CELSR1: variants seen among roughly 807,000 people sequenced by gnomAD.
CELSR1 encodes cadherin EGF LAG seven-pass G-type receptor 1, also known as adhesion G protein-coupled receptor C1.
A neutral mutation model predicts 249.1 loss-of-function variants in CELSR1; 110 were observed. The observed-to-expected ratio is 0.44, with a 90% CI of 0.38 to 0.52. The LOEUF is 0.52. Among genes scored for constraint, CELSR1 ranks in the 20% least tolerant of loss-of-function variants. The pLI is 0.00. For synonymous variants in CELSR1, 2,113 were observed against 1,900.0 expected (o/e 1.11, Z -2.92); for missense variants, 4,109 against 4,296.4 (o/e 0.96, Z 1.22).
rs946781208 is a variant in CELSR1, at chr22:46,441,842, A to T, written c.4184-2431T>A. ...ATTTTAAAAGACTAGTGAACATTAA[A>T]CTTTATTATCCATTTTTAAAAATAA... On this transcript the variant is annotated intron_variant, in intron 2 of 34. Transcript: ENST00000674500. This position sits in a 1 kb window ranked among gnomAD's most constrained non-coding sequence, Gnocchi z 6.1. 2.6e-5 allele frequency among the ~76,000 whole-genome samples: 4 copies of T among 152,164 alleles called. No individual in the cohort carries two copies. The highest frequency in any genetic ancestry group is 1.3e-4 in the Admixed American group (2 of 15,272).
intron 1 of CELSR1, among the ~76,000 whole-genome samples, chr22:46,466,021 T>C (rs1354518147): frequency 1.3e-5 from 2 of 152,166 alleles, no homozygotes; most frequent in African/African-American, 2.4e-5. Flanking sequence ...AGGGCGCCTC[T>C]GGCTCTGGCA....
chr22:46,510,306 C>CCCCCTTCCTGAGCCACAG (rs1602226805), intron 1 of CELSR1, among the ~76,000 whole-genome samples: 2 of 152,184 alleles, frequency 1.3e-5, no homozygotes, highest in African/African-American at 4.8e-5. Context: ...CCAGAACACA[C>CCCCCTTCCTGAGCCACAG]CCCCTTCCTG....
chr22:46,533,982 G>A lies in CELSR1; in HGVS notation c.3189C>T (p.Asp1063=), dbSNP rs754056490. Residue 1063 remains aspartate (D), a synonymous_variant, in exon 1 of 35, where the codon GAC becomes GAT. Coordinates refer to ENST00000674500, the MANE Select transcript of CELSR1 (RefSeq NM_001378328.1). The stretch of plus-strand genomic sequence containing the variant: ...GCACATACTCCCGCCGGACCTCAAA[G>A]TCCAGCTCCACCATGGCACGCAGGT... ...NGDLRAMVEL[D]FEVRREYVLV... is the part of the protein sequence containing the mutation. 1.9e-6 allele frequency: 3 copies of A among 1,613,636 alleles called. No individual in the cohort carries two copies. The highest frequency in any genetic ancestry group is 2.5e-6 in the Non-Finnish European group (3 of 1,180,036).
chr22:46,514,444 T>C (rs2080605765), intron 1 of CELSR1, among the ~76,000 whole-genome samples: 1 of 152,198 alleles, frequency 6.6e-6, no homozygotes, highest in South Asian at 2.1e-4. Flanking sequence ...ACCTGCACTC[T>C]GATCCCCGGG....
chr22:46,511,169 T>C (rs1302098968), intron 1 of CELSR1, among the ~76,000 whole-genome samples: 1 of 151,994 alleles, frequency 6.6e-6, no homozygotes, highest in African/African-American at 2.4e-5. Flanking sequence ...TTTCTTCACA[T>C]TATAGACCCT....
At chr22:46,375,070 C>T (rs1031214075) in intron 24 of CELSR1, among the ~76,000 whole-genome samples, 3 of 152,146 alleles carry the variant, frequency 2.0e-5, no homozygotes, top group African/African-American at 7.2e-5. Context: ...GCCTGCCTTC[C>T]CTCTTGAGGT....
intron 2 of CELSR1, among the ~76,000 whole-genome samples, chr22:46,444,280 G>A (rs1052951534): frequency 2.6e-5 from 4 of 152,268 alleles, no homozygotes; most frequent in African/African-American, 7.2e-5. Context: ...TGAAGACAGC[G>A]CTTTGTATCT....
Position 46,410,506 on chromosome 22 carries a change from C to T in CELSR1, c.4825G>A (p.Asp1609Asn), listed in dbSNP as rs761697496. 2.5e-6 allele frequency: 4 copies of T among 1,614,136 alleles called. No individual in the cohort carries two copies. The highest frequency in any genetic ancestry group is 3.4e-6 in the Non-Finnish European group (4 of 1,180,044). The part of the protein sequence containing the change: ...LLGGVPNLPE[D>N]FPVHNRQFVG... ...AACTGCCGGTTGTGCACTGGGAAGT[C>T]TTCTGGCAGGTTGGGGACACCCCCC... is the stretch of plus-strand genomic sequence containing the variant. Residue 1609 changes from aspartate to asparagine, a missense_variant, in exon 7 of 35, where the codon GAC (aspartate) becomes AAC (asparagine). Asp to Asn is a conservative substitution (Grantham distance 23). Coordinates refer to ENST00000674500, the MANE Select transcript of CELSR1 (RefSeq NM_001378328.1). The surrounding 1 kb of genome is among the most constrained non-coding windows in gnomAD (Gnocchi z 6.8).
Position 46,407,985 on chromosome 22 carries a change from C to T in CELSR1, c.5226+1011G>A, listed in dbSNP as rs1035582245. On this transcript the variant is annotated intron_variant, in intron 9 of 34. Coordinates refer to ENST00000674500, the MANE Select transcript of CELSR1 (RefSeq NM_001378328.1). This position sits in a 1 kb window ranked among gnomAD's most constrained non-coding sequence, Gnocchi z 4.8. Reference sequence around the variant, plus strand: ...GGCCGGGCACCCTCCTGGGGAGGGTCCCCATGGCTGCCTCATGCGGCGGAG... The same window carrying T: ...GGCCGGGCACCCTCCTGGGGAGGGTTCCCATGGCTGCCTCATGCGGCGGAG... 6.6e-6 allele frequency among the ~76,000 whole-genome samples: 1 copy of T among 152,186 alleles called. No individual in the cohort carries two copies. Among genetic ancestry groups the T allele is most frequent in the Non-Finnish European group, 1.5e-5 (1 of 68,038 alleles).
rs1415536028 is a variant in CELSR1 at position 46,366,371 on chromosome 22, G to C, written c.8300+15C>G. 3 of 1,542,174 alleles carry C rather than the reference G, an allele frequency of 1.9e-6. No homozygotes were observed. Among genetic ancestry groups the C allele is most frequent in the African/African-American group, 1.4e-5 (1 of 72,618 alleles). On this transcript the variant is annotated intron_variant, in intron 30 of 34. Transcript: ENST00000674500. The stretch of plus-strand genomic sequence containing the variant: ...TTCGAGAGCCACCTCCCCGAACCCG[G>C]AGCTGCGGCCTGACCTGACGATGCT...
At chr22:46,366,934 C>CCCCG in intron 29 of CELSR1, 59 bp downstream of exon 29, 1 of 1,556,616 alleles carries the variant, frequency 6.4e-7, no homozygotes, top group Non-Finnish European at 8.7e-7. Context: ...GATCACCCTC[C>CCCCG]CCCGCCCCTC....
intron 1 of CELSR1, among the ~76,000 whole-genome samples, chr22:46,498,621 AAAAAG>A (rs1289050458): frequency 1.3e-5 from 2 of 151,786 alleles, no homozygotes; most frequent in Admixed American, 1.3e-4. Context: ...CAAAAAAAAA[AAAAAG>A]AAAAAGAAAA....
intron 2 of CELSR1, among the ~76,000 whole-genome samples, chr22:46,459,038 G>T (rs5768779): frequency 0.39 from 58,639 of 150,886 alleles, 12,362 homozygotes; most frequent in South Asian, 0.55. Context: ...GACTACAGGC[G>T]TGTGCCACCA....
rs939398895 is a variant in CELSR1, at chr22:46,398,958, T to A, written c.5413-321A>T. Among the ~76,000 whole-genome samples, 1 of 152,188 alleles carries A rather than the reference T, an allele frequency of 6.6e-6. No homozygotes were observed. Among genetic ancestry groups the A allele is most frequent in the Non-Finnish European group, 1.5e-5 (1 of 68,030 alleles). ...AACCAGCCACGCTGTGACAGAGAGC[T>A]TGGCGAGTCAGGAAGACTGCAGTGA... On this transcript the variant is annotated intron_variant, in intron 10 of 34. Coordinates refer to ENST00000674500, the MANE Select transcript of CELSR1 (RefSeq NM_001378328.1). The surrounding 1 kb of genome is among the most constrained non-coding windows in gnomAD (Gnocchi z 7.2).
At chr22:46,516,765 C>T (rs2147781609) in intron 1 of CELSR1, among the ~76,000 whole-genome samples, 1 of 152,300 alleles carries the variant, frequency 6.6e-6, no homozygotes, top group South Asian at 2.1e-4. Flanking sequence ...CCACTTCTCA[C>T]CCAGGCACAC....
chr22:46,520,839 C>T (rs920738292), intron 1 of CELSR1, among the ~76,000 whole-genome samples: 1 of 152,164 alleles, frequency 6.6e-6, no homozygotes, highest in Non-Finnish European at 1.5e-5. Context: ...ATCTCCAGAG[C>T]CTTTCATCTT....
chr22:46,515,949 A>C (rs1222324147), intron 1 of CELSR1, among the ~76,000 whole-genome samples: 4 of 152,256 alleles, frequency 2.6e-5, no homozygotes, highest in Non-Finnish European at 5.9e-5. Flanking sequence ...TTAAAAAGTC[A>C]GGAAACAACA....
rs1279426582 is a variant in CELSR1, at chr22:46,464,529, G to GC, written c.3545-185dup. On this transcript the variant is annotated intron_variant, in intron 1 of 34. Transcript: ENST00000674500. The surrounding 1 kb of genome is among the most constrained non-coding windows in gnomAD (Gnocchi z 8.5). ...TTCCTCCTTCAGCACCCTGGCCCCTGCCCCCCATGACCACCACCTTGACCC... is the reference window on the plus strand; with the variant it reads ...TTCCTCCTTCAGCACCCTGGCCCCTGCCCCCCCATGACCACCACCTTGACCC... Among the ~76,000 whole-genome samples, 1 of 150,056 alleles carries GC rather than the reference G, an allele frequency of 6.7e-6. No homozygotes were observed. Among genetic ancestry groups the GC allele is most frequent in the Admixed American group, 6.6e-5 (1 of 15,092 alleles).
Position 46,490,981 on chromosome 22 carries a change from C to T in CELSR1, c.3545-26636G>A, listed in dbSNP as rs1053233911. The stretch of plus-strand genomic sequence containing the variant: ...GCACCCACAGGCGGGGGATTTTGTT[C>T]CCCTACAAGTTCAGGACCTCGGAAG... On this transcript the variant is annotated intron_variant, in intron 1 of 34. Coordinates refer to ENST00000674500, the MANE Select transcript of CELSR1 (RefSeq NM_001378328.1). The surrounding 1 kb of genome is among the most constrained non-coding windows in gnomAD (Gnocchi z 5.2). 2.0e-5 allele frequency among the ~76,000 whole-genome samples: 3 copies of T among 152,080 alleles called. No individual in the cohort carries two copies. Among genetic ancestry groups the T allele is most frequent in the African/African-American group, 7.2e-5 (3 of 41,408 alleles).
Sources: allele counts gnomAD v4.1 joint callset (sites outside exome capture counted in the v4.1 genomes callset), GRCh38; gene constraint gnomAD v4.1.1; non-coding constraint Gnocchi (gnomAD v3.1); transcripts MANE v1.5; gene names NCBI Gene and HGNC (gene_info 2026-07-23, HGNC 2026-07-21).